The following CCSER1 variants were observed in gnomAD, a reference collection of about 807,000 sequenced individuals.
CCSER1 encodes serine-rich coiled-coil domain-containing protein 1.
A neutral mutation model predicts 82.0 loss-of-function variants in CCSER1; 41 were observed. The ratio of observed to expected loss-of-function variants is 0.50; its 90% CI spans 0.39 to 0.65. The LOEUF (loss-of-function observed/expected upper bound fraction) is 0.65. CCSER1 is among the 30% of genes least tolerant of loss of function. The pLI is 0.00. For synonymous variants in CCSER1, 414 were observed against 383.9 expected, an observed-to-expected ratio of 1.08 and a Z score of -0.92; for missense variants, 1,119 against 1,064.2, an observed-to-expected ratio of 1.05 and a Z score of -0.72.
At chr4:90,187,363 T>C (rs1443231636) in intron 1 of CCSER1, among the ~76,000 whole-genome samples, 1 of 150,698 alleles carries the variant, frequency 6.6e-6, no homozygotes, top group Non-Finnish European at 1.5e-5. Flanking sequence ...TAGCTATTTT[T>C]TTTTTTTTTT....
intron 1 of CCSER1, among the ~76,000 whole-genome samples, chr4:90,151,839 G>T (rs1726927654): frequency 6.6e-6 from 1 of 152,082 alleles, no homozygotes; most frequent in Admixed American, 6.6e-5. Context: ...ATAACAAGAT[G>T]AGTTAGACAT....
intron 6 of CCSER1, chr4:90,649,684 C>T (rs1728361288): frequency 6.6e-6 from 1 of 152,070 alleles, no homozygotes; most frequent in Non-Finnish European, 1.5e-5. Context: ...TTATAGCAGC[C>T]CAAACATATT....
chr4:90,430,951 C>T (rs979933730), intron 4 of CCSER1, among the ~76,000 whole-genome samples: 17 of 151,848 alleles, frequency 1.1e-4, no homozygotes, highest in African/African-American at 4.1e-4. Flanking sequence ...AAATGAAGAA[C>T]AGAACCCTTT....
intron 5 of CCSER1, among the ~76,000 whole-genome samples, chr4:90,584,260 TCAGA>T (rs1489927197): frequency 6.6e-6 from 1 of 152,128 alleles, no homozygotes; most frequent in Non-Finnish European, 1.5e-5. Flanking sequence ...GGCCTAGAGG[TCAGA>T]CAAAGATAAA....
intron 10 of CCSER1, among the ~76,000 whole-genome samples, chr4:91,483,580 C>T (rs1223633799): frequency 2.0e-5 from 3 of 151,938 alleles, no homozygotes; most frequent in Non-Finnish European, 4.4e-5. Context: ...GGATTACAGG[C>T]ACCTGCCACC....
chr4:90,971,653 C>T (rs1277648860), intron 9 of CCSER1, among the ~76,000 whole-genome samples: 2 of 151,946 alleles, frequency 1.3e-5, no homozygotes, highest in East Asian at 1.9e-4. Flanking sequence ...TGCTTCAAAA[C>T]TCATATTACA....
intron 10 of CCSER1, among the ~76,000 whole-genome samples, chr4:91,483,682 C>T (rs147845705): frequency 0.1 from 15,964 of 152,058 alleles, 996 homozygotes; most frequent in Middle Eastern, 0.2. Flanking sequence ...GTGACCCACC[C>T]GCCTCGGCCT....
chr4:91,581,228 A>C (rs1763712118), intron 10 of CCSER1, among the ~76,000 whole-genome samples: 1 of 151,738 alleles, frequency 6.6e-6, no homozygotes, highest in African/African-American at 2.4e-5. Flanking sequence ...GTTCCTTTTA[A>C]GTCTATTTCT....
chr4:90,223,456 A>G (rs933632204), intron 1 of CCSER1, among the ~76,000 whole-genome samples: 1 of 152,220 alleles, frequency 6.6e-6, no homozygotes, highest in African/African-American at 2.4e-5. Flanking sequence ...ACAGGCTATG[A>G]ACAAGAAGTA....
intron 6 of CCSER1, among the ~76,000 whole-genome samples, chr4:90,638,820 CT>C (rs1725942595): frequency 6.6e-6 from 1 of 152,106 alleles, no homozygotes; most frequent in Non-Finnish European, 1.5e-5. Context: ...CCCCATTTCA[CT>C]CACAAAATTC....
chr4:91,333,224 T>C (rs1366054420), intron 10 of CCSER1, among the ~76,000 whole-genome samples: 1 of 152,042 alleles, frequency 6.6e-6, no homozygotes. Context: ...GAATACAGTA[T>C]AATGCACCAT....
At chr4:90,575,163 T>A (rs1780600471) in intron 5 of CCSER1, among the ~76,000 whole-genome samples, 1 of 152,238 alleles carries the variant, frequency 6.6e-6, no homozygotes, top group Admixed American at 6.5e-5. Context: ...ACTTAGTTAA[T>A]TTTATGTTGC....
intron 7 of CCSER1, among the ~76,000 whole-genome samples, chr4:90,777,712 G>C (rs1330022453): frequency 1.3e-5 from 2 of 152,008 alleles, no homozygotes; most frequent in Non-Finnish European, 2.9e-5. Flanking sequence ...ACACATTAAA[G>C]TGTGTTTAAA....
At chr4:90,366,068 T>C (rs1746229651) in intron 3 of CCSER1, among the ~76,000 whole-genome samples, 2 of 152,004 alleles carry the variant, frequency 1.3e-5, no homozygotes, top group African/African-American at 2.4e-5. Flanking sequence ...CAAAGTATGA[T>C]TGAAACCTTG....
chr4:91,207,433 A>G (rs1032229326), intron 10 of CCSER1, among the ~76,000 whole-genome samples: 6 of 151,570 alleles, frequency 4.0e-5, no homozygotes, highest in African/African-American at 1.5e-4. Flanking sequence ...CTTTCTGTCC[A>G]TGTGTTTTCG....
chr4:90,238,237 G>A (rs893538925), intron 1 of CCSER1, among the ~76,000 whole-genome samples: 1 of 152,080 alleles, frequency 6.6e-6, no homozygotes. Context: ...GGGAGGTAGG[G>A]GTATGGTGAT....
At chr4:90,413,879 G>A (rs1371776849) in intron 4 of CCSER1, among the ~76,000 whole-genome samples, 1 of 144,196 alleles carries the variant, frequency 6.9e-6, no homozygotes, top group Non-Finnish European at 1.5e-5. Flanking sequence ...AACCCGGGAG[G>A]TGGAGCTTGC....
At chr4:90,702,288 ATG>A (rs1352305772) in intron 6 of CCSER1, among the ~76,000 whole-genome samples, 2 of 152,016 alleles carry the variant, frequency 1.3e-5, no homozygotes, top group Non-Finnish European at 2.9e-5. Flanking sequence ...TGGTTTTCAT[ATG>A]TTTAACCAGC....
chr4:91,041,136 A>C (rs1581403563), intron 9 of CCSER1, among the ~76,000 whole-genome samples: 3 of 152,216 alleles, frequency 2.0e-5, no homozygotes, highest in Admixed American at 2.0e-4. Flanking sequence ...ACTAGGGGAG[A>C]TGAGGGGGAG....
Sources: allele counts gnomAD v4.1 joint callset (sites outside exome capture counted in the v4.1 genomes callset), GRCh38; gene constraint gnomAD v4.1.1; transcripts MANE v1.5; gene names NCBI Gene and HGNC (gene_info 2026-07-23, HGNC 2026-07-21).